The following CBR4 variants were observed in gnomAD, a reference collection of about 807,000 sequenced individuals.
The protein encoded by CBR4 is carbonyl reductase 4.
CBR4 carries 22 observed loss-of-function variants against 21.0 expected under a neutral mutation model. The ratio of observed to expected loss-of-function variants is 1.05; its 90% CI spans 0.75 to 1.50. The LOEUF is 1.50. Among genes scored for constraint, CBR4 ranks in the 40% most tolerant of loss-of-function variants. The pLI, the probability that CBR4 is intolerant of heterozygous loss-of-function variation, is 0.00. For missense variants in CBR4, 302 were observed against 286.3 expected, an observed-to-expected ratio of 1.05 and a Z score of -0.40; for synonymous variants, 100 against 104.4, an observed-to-expected ratio of 0.96 and a Z score of 0.26.
chr4:168,911,271 C>G (rs1758885820), intron 2 of CBR4, among the ~76,000 whole-genome samples: 1 of 152,148 alleles, frequency 6.6e-6, no homozygotes, highest in Admixed American at 6.5e-5. Context: ...CAACCCATAC[C>G]TCCTTTTCCA....
chr4:168,956,627 A>C (rs1012192383), intron 2 of CBR4, among the ~76,000 whole-genome samples: 15 of 138,042 alleles, frequency 1.1e-4, no homozygotes, highest in South Asian at 9.0e-4. Context: ...AAAAAAAAAA[A>C]CAGAATGGAA....
At chr4:168,959,548 A>T (rs542808353) in intron 2 of CBR4, among the ~76,000 whole-genome samples, 38 of 143,930 alleles carry the variant, frequency 2.6e-4, no homozygotes, top group African/African-American at 8.7e-4. Context: ...TTTTTAAATC[A>T]GCTTATCAAT....
intron 2 of CBR4, among the ~76,000 whole-genome samples, chr4:168,959,496 A>G (rs1763779751): frequency 1.3e-5 from 2 of 151,596 alleles, no homozygotes; most frequent in Non-Finnish European, 2.9e-5. Context: ...CACCTTTTAT[A>G]AAACTGCTTT....
At chr4:168,941,045 A>G (rs1389446453) in intron 2 of CBR4, among the ~76,000 whole-genome samples, 3 of 152,166 alleles carry the variant, frequency 2.0e-5, no homozygotes, top group Non-Finnish European at 2.9e-5. Context: ...ACCATCAATG[A>G]TAGCTGGAAA....
At chr4:169,002,029 C>A (rs909382403) in intron 4 of CBR4, 42 bp downstream of exon 4, 3 of 1,469,428 alleles carry the variant, frequency 2.0e-6, no homozygotes, top group Middle Eastern at 2.5e-4. Flanking sequence ...CCCTATAAAA[C>A]AATAATCATA....
intron 2 of CBR4, chr4:168,927,352 A>ACAAGT (rs1268721099): frequency 4.3e-6 from 1 of 232,734 alleles, no homozygotes; most frequent in Non-Finnish European, 8.5e-6. Context: ...ACTGCCATTC[A>ACAAGT]CAAGTCAAGG....
chr4:168,946,501 T>C lies in CBR4; in HGVS notation n.170-51736A>G, dbSNP rs1432781027. On this transcript the variant is annotated intron_variant and non_coding_transcript_variant, in intron 2 of 3. Transcript: ENST00000509108. The stretch of plus-strand genomic sequence containing the variant: ...GCACCATGTGTGATACTGTAAGATA[T>C]TGAAGGCAGAAACAGATGTGGATCC... 4.6e-5 allele frequency among the ~76,000 whole-genome samples: 7 copies of C among 152,190 alleles called. No homozygotes were observed. The South Asian group carries it at 1.0e-3, about 22-fold the overall frequency.
Position 168,989,961 on chromosome 4 carries a change from C to CAA in CBR4, c.*187_*188dup, listed in dbSNP as rs77665357. On this transcript the variant is annotated 3_prime_UTR_variant, in exon 5 of 5. Transcript: ENST00000306193. Reference sequence around the variant, plus strand: ...AAAACAACACTGATGTAACTTAGACCAAAAAAAAAAAAACCACAATTTGTC... The same window carrying CAA: ...AAAACAACACTGATGTAACTTAGACCAAAAAAAAAAAAAAACCACAATTTGTC... 2,443 of 1,012,122 alleles carry CAA rather than the reference C, an allele frequency of 2.4e-3. No homozygotes were observed. The highest frequency in any genetic ancestry group is 2.4e-3 in the Non-Finnish European group (1,970 of 807,452). 62.7% of individuals were successfully genotyped at this position (1,012,122 alleles called of 1,614,324 possible).
chr4:168,981,370 AG>A (rs1445887797), intron 2 of CBR4, among the ~76,000 whole-genome samples: 1 of 152,176 alleles, frequency 6.6e-6, no homozygotes, highest in Non-Finnish European at 1.5e-5. Flanking sequence ...CTGCACTCCT[AG>A]GCAACAGAGT....
intron 2 of CBR4, chr4:168,903,995 TAAG>T: frequency 3.1e-6 from 4 of 1,272,138 alleles, no homozygotes; most frequent in Non-Finnish European, 4.6e-6. Flanking sequence ...AAGGTGAAGT[TAAG>T]AAGTTTCTTT....
intron 2 of CBR4, among the ~76,000 whole-genome samples, chr4:168,907,541 AC>A (rs1758062040): frequency 2.6e-5 from 4 of 152,122 alleles, no homozygotes; most frequent in Admixed American, 2.0e-4. Context: ...CACCCATAGC[AC>A]AGCTGACATC....
chr4:168,945,359 A>G (rs115373322), intron 2 of CBR4, among the ~76,000 whole-genome samples: 18 of 152,348 alleles, frequency 1.2e-4, no homozygotes, highest in Non-Finnish European at 2.1e-4. Flanking sequence ...AAGAATCTCT[A>G]CAAAGTTAGT....
In CBR4 at chr4:168,978,159, C is replaced by CAGGCATA. The variant is rs1014415272; in HGVS notation, n.169+23911_169+23912insTATGCCT. On this transcript the variant is annotated intron_variant and non_coding_transcript_variant, in intron 2 of 3. Coordinates refer to the CBR4 transcript ENST00000509108. ...ACCCATGTTCTCCTCCTCTGCATTC[C>CAGGCATA]ATGGCTGTTCAATTCCTGACTCACA... Among the ~76,000 whole-genome samples, 147 of 152,316 alleles carry CAGGCATA rather than the reference C, an allele frequency of 9.7e-4. 1 individual carries two copies. The highest frequency in any genetic ancestry group is 3.4e-3 in the African/African-American group (142 of 41,562).
At position 168,988,184 on chromosome 4, in the gene CBR4, G is replaced by T. The variant is rs749017311; in HGVS notation, c.*1966C>A. 9.0e-4 allele frequency: 889 copies of T among 985,310 alleles called. 3 individuals are homozygous for T. Among genetic ancestry groups the T allele is most frequent in the Admixed American group, 7.8e-3 (127 of 16,278 alleles). The allele number at this position is 985,310 out of a possible 1,614,324, so 61.0% of individuals were successfully genotyped here. On this transcript the variant is annotated 3_prime_UTR_variant, in exon 5 of 5. Coordinates refer to ENST00000306193, the MANE Select transcript of CBR4 (RefSeq NM_032783.5). Reference sequence around the variant, plus strand: ...CAAATTCTACTAGGTCAGTGGGAGTGGGCGGATTCACCTGGAGTGGAGCAG... The same window carrying T: ...CAAATTCTACTAGGTCAGTGGGAGTTGGCGGATTCACCTGGAGTGGAGCAG...
At chr4:168,939,372 CT>C (rs1763199208) in intron 2 of CBR4, among the ~76,000 whole-genome samples, 1 of 152,170 alleles carries the variant, frequency 6.6e-6, no homozygotes, top group African/African-American at 2.4e-5. Flanking sequence ...GAAGCATTCC[CT>C]TTGAAAACCG....
In CBR4 at chr4:168,933,664, C is replaced by G. The variant is rs1763026724; in HGVS notation, n.170-38899G>C. Among the ~76,000 whole-genome samples, 3 of 152,142 alleles carry G rather than the reference C, an allele frequency of 2.0e-5. No homozygotes were observed. In the South Asian group the frequency reaches 6.2e-4, roughly 32 times the overall value. The stretch of plus-strand genomic sequence containing the variant: ...TAAACTGTACTACAGACTAAATGGA[C>G]CTAACAGACACCTACAGAACATTTC... On this transcript the variant is annotated intron_variant and non_coding_transcript_variant, in intron 2 of 3. Coordinates refer to the CBR4 transcript ENST00000509108.
intron 2 of CBR4, chr4:168,898,784 T>C (rs1250781094): frequency 1.1e-6 from 1 of 938,568 alleles, no homozygotes; most frequent in Non-Finnish European, 1.8e-6. Flanking sequence ...AAACATAGCA[T>C]GCCAGTAGGA....
At chr4:169,005,887 T>C (rs908494978) in intron 3 of CBR4, 69 of 1,288,614 alleles carry the variant, frequency 5.4e-5, no homozygotes, top group Middle Eastern at 2.2e-4. Context: ...TCACTTACTT[T>C]TATGGAGCAG....
chr4:168,982,300 A>G (rs1333748286), intron 2 of CBR4, among the ~76,000 whole-genome samples: 1 of 152,164 alleles, frequency 6.6e-6, no homozygotes, highest in Non-Finnish European at 1.5e-5. Flanking sequence ...TTAAACCAAC[A>G]ATGATCAAAA....
Sources: gnomAD v4.1 joint callset for allele counts (sites outside exome capture counted in the v4.1 genomes callset) on GRCh38, gnomAD v4.1.1 for gene constraint, MANE v1.5 for transcripts, NCBI Gene and HGNC (gene_info 2026-07-23, HGNC 2026-07-21) for gene names.